TNR: variants seen among roughly 807,000 people sequenced by gnomAD.
TNR encodes tenascin-R.
TNR carries 45 observed loss-of-function variants against 150.4 expected under a neutral mutation model. That is an observed-to-expected ratio of 0.30 (90% CI 0.24 to 0.38). The LOEUF is 0.38. Among genes scored for constraint, TNR ranks in the 10% least tolerant of loss-of-function variants. The pLI, the probability that TNR is intolerant of heterozygous loss-of-function variation, is 1.00. For synonymous variants in TNR, 687 were observed against 678.4 expected (o/e 1.01, Z -0.20); for missense variants, 1,544 against 1,759.1 (o/e 0.88, Z 2.19).
At chr1:175,581,663 T>C (rs1662354067) in intron 1 of TNR, among the ~76,000 whole-genome samples, 1 of 152,224 alleles carries the variant, frequency 6.6e-6, no homozygotes, top group Non-Finnish European at 1.5e-5. Flanking sequence ...TTTGGAATCT[T>C]TGGGGCATTT....
chr1:175,374,600 CT>C lies in TNR; in HGVS notation c.1963+4951del, dbSNP rs1652285204. On this transcript the variant is annotated intron_variant, in intron 9 of 22. Transcript: ENST00000367674. ...ATCATGTGTGGCTGGCTGTAAGTCT[CT>C]GTTTTCTTGCAGTCCTATGTTGTAT... 2.0e-5 allele frequency among the ~76,000 whole-genome samples: 3 copies of C among 152,162 alleles called. No homozygotes were observed. In the South Asian group the frequency reaches 6.2e-4, roughly 32 times the overall value.
chr1:175,600,884 T>TA (rs755208664), intron 1 of TNR, among the ~76,000 whole-genome samples: 3 of 152,210 alleles, frequency 2.0e-5, no homozygotes, highest in Non-Finnish European at 4.4e-5. Context: ...ATTTAAGACT[T>TA]ACGCTACAGA....
At chr1:175,552,221 A>G (rs922587079) in intron 1 of TNR, among the ~76,000 whole-genome samples, 1 of 152,202 alleles carries the variant, frequency 6.6e-6, no homozygotes, top group African/African-American at 2.4e-5. Flanking sequence ...TGATAATAAG[A>G]ACACTCTCCT....
chr1:175,445,819 G>A (rs859462), intron 2 of TNR, among the ~76,000 whole-genome samples: 74,210 of 152,048 alleles, frequency 0.49, 19,875 homozygotes, highest in African/African-American at 0.72. Context: ...GTTGTACGTT[G>A]TATCTGTTTT....
intron 1 of TNR, among the ~76,000 whole-genome samples, chr1:175,723,867 T>C (rs574922605): frequency 1.2e-4 from 19 of 152,252 alleles, no homozygotes; most frequent in South Asian, 6.2e-4. Flanking sequence ...TGAGATTCTG[T>C]CTCAATAAAT....
intron 5 of TNR, among the ~76,000 whole-genome samples, chr1:175,394,942 G>A (rs534879138): frequency 1.3e-5 from 2 of 152,276 alleles, no homozygotes; most frequent in South Asian, 4.1e-4. Flanking sequence ...GTTAGGCCAG[G>A]CACTTAGGGT....
At chr1:175,583,647 C>G (rs560094935) in intron 1 of TNR, among the ~76,000 whole-genome samples, 1 of 152,222 alleles carries the variant, frequency 6.6e-6, no homozygotes, top group Admixed American at 6.5e-5. Flanking sequence ...TGGAAACAAC[C>G]TTAGTGGAAA....
chr1:175,374,098 G>A lies in TNR; in HGVS notation c.1963+5454C>T, dbSNP rs1195064761. ...AAGAGCTGCAGGGCGTTGAAGGTCTGGTGCTGGGTTTGGTGTTTGTGCACT... is the reference window on the plus strand; with the variant it reads ...AAGAGCTGCAGGGCGTTGAAGGTCTAGTGCTGGGTTTGGTGTTTGTGCACT... On this transcript the variant is annotated intron_variant, in intron 9 of 22. Transcript: ENST00000367674. Among the ~76,000 whole-genome samples the A allele has an allele frequency of 3.3e-5, 5 of 152,326 alleles. No homozygotes were observed. In the South Asian group the frequency reaches 8.3e-4, roughly 25 times the overall value.
chr1:175,390,790 A>G (rs1407466075), intron 7 of TNR, among the ~76,000 whole-genome samples: 1 of 152,250 alleles, frequency 6.6e-6, no homozygotes, highest in East Asian at 1.9e-4. Flanking sequence ...TCATCAGCAC[A>G]GAGCTGATTG....
chr1:175,372,675 G>A (rs1652162564), intron 9 of TNR, among the ~76,000 whole-genome samples: 1 of 152,192 alleles, frequency 6.6e-6, no homozygotes, highest in Non-Finnish European at 1.5e-5. Flanking sequence ...AAAGTGGTAG[G>A]GAGAAGGAGG....
At chr1:175,561,814 T>C (rs1571610327) in intron 1 of TNR, among the ~76,000 whole-genome samples, 1 of 152,316 alleles carries the variant, frequency 6.6e-6, no homozygotes, top group African/African-American at 2.4e-5. Flanking sequence ...TTGGTATGTA[T>C]AATGTTGTAG....
chr1:175,622,332 C>T (rs912840600), intron 1 of TNR, among the ~76,000 whole-genome samples: 2 of 152,204 alleles, frequency 1.3e-5, no homozygotes, highest in Admixed American at 6.5e-5. Context: ...GGGCACCAGG[C>T]ACCCATAGCA....
rs550805572 is a variant in TNR at position 175,707,431 on chromosome 1, C to G, written c.-165+35795G>C. On this transcript the variant is annotated intron_variant, in intron 1 of 22. Coordinates refer to ENST00000367674, the MANE Select transcript of TNR (RefSeq NM_003285.3). ...GTGCATGATACCTTGAAATACATGA[C>G]AAACAAAAACAAAATCAAAAATCCA... Among the ~76,000 whole-genome samples the G allele has an allele frequency of 6.6e-5, 10 of 152,194 alleles. No individual in the cohort carries two copies. In the South Asian group the frequency reaches 1.9e-3, roughly 28 times the overall value.
At chr1:175,728,735 T>C (rs1474772650) in intron 1 of TNR, among the ~76,000 whole-genome samples, 1 of 152,198 alleles carries the variant, frequency 6.6e-6, no homozygotes, top group Non-Finnish European at 1.5e-5. Flanking sequence ...CTATAGGGCA[T>C]GGCCTTTGAG....
intron 2 of TNR, among the ~76,000 whole-genome samples, chr1:175,458,775 G>C (rs1215001415): frequency 6.6e-6 from 1 of 152,190 alleles, no homozygotes; most frequent in Non-Finnish European, 1.5e-5. Context: ...TCTTTAAAAA[G>C]AGGTGTCCTA....
At chr1:175,533,853 T>C (rs1557991293) in intron 1 of TNR, among the ~76,000 whole-genome samples, 1 of 152,088 alleles carries the variant, frequency 6.6e-6, no homozygotes, top group Non-Finnish European at 1.5e-5. Flanking sequence ...TAACTAGGCA[T>C]AGAGGAAGCT....
At chr1:175,683,278 G>A (rs911831863) in intron 1 of TNR, among the ~76,000 whole-genome samples, 1 of 152,154 alleles carries the variant, frequency 6.6e-6, no homozygotes, top group African/African-American at 2.4e-5. Flanking sequence ...AATCAAGAAA[G>A]ATAACAAAGG....
intron 1 of TNR, among the ~76,000 whole-genome samples, chr1:175,696,326 T>C (rs1444843182): frequency 6.7e-6 from 1 of 149,204 alleles, no homozygotes; most frequent in Non-Finnish European, 1.5e-5. Context: ...GGGAGTGCCA[T>C]TCCTCCTTTT....
At chr1:175,653,061 G>T (rs1665049912) in intron 1 of TNR, among the ~76,000 whole-genome samples, 2 of 152,178 alleles carry the variant, frequency 1.3e-5, no homozygotes, top group Non-Finnish European at 2.9e-5. Flanking sequence ...AAACCTAATG[G>T]ACTCCTATGG....
Sources: gnomAD v4.1 joint callset for allele counts (sites outside exome capture counted in the v4.1 genomes callset) on GRCh38, gnomAD v4.1.1 for gene constraint, MANE v1.5 for transcripts, NCBI Gene and HGNC (gene_info 2026-07-23, HGNC 2026-07-21) for gene names.